The following SUMF1 variants were observed in gnomAD, a reference collection of about 807,000 sequenced individuals.
SUMF1 encodes the protein formylglycine-generating enzyme.
Under a neutral mutation model 47.6 loss-of-function variants are expected in SUMF1, and 48 were observed. The observed-to-expected ratio is 1.01, with a 90% CI of 0.80 to 1.28. SUMF1 has a LOEUF of 1.28. SUMF1 is among the 50% of genes most tolerant of loss of function. The pLI is 0.00. For missense variants in SUMF1, 571 were observed against 485.4 expected, an observed-to-expected ratio of 1.18 and a Z score of -1.66; for synonymous variants, 230 against 192.1, an observed-to-expected ratio of 1.20 and a Z score of -1.63.
At chr3:4,097,485 G>A (rs755596400) in intron 8 of SUMF1, among the ~76,000 whole-genome samples, 15 of 151,964 alleles carry the variant, frequency 9.9e-5, no homozygotes, top group Admixed American at 2.6e-4. Flanking sequence ...CCTGGGAGGC[G>A]GAGGTTGCAG....
chr3:4,186,449 C>A (rs1306353164), intron 8 of SUMF1, among the ~76,000 whole-genome samples: 1 of 152,040 alleles, frequency 6.6e-6, no homozygotes, highest in African/African-American at 2.4e-5. Context: ...CTCTTTAACC[C>A]TACACAAATT....
At chr3:4,160,291 G>T (rs1694545350) in intron 8 of SUMF1, among the ~76,000 whole-genome samples, 2 of 151,922 alleles carry the variant, frequency 1.3e-5, no homozygotes, top group South Asian at 2.1e-4. Flanking sequence ...CCAGGCTGGG[G>T]TGCAGTGGTA....
chr3:4,228,757 G>A (rs1185412201), intron 8 of SUMF1, among the ~76,000 whole-genome samples: 5 of 152,020 alleles, frequency 3.3e-5, no homozygotes, highest in Non-Finnish European at 7.4e-5. Context: ...TCTTTTAAAT[G>A]GACCATTTTA....
intron 8 of SUMF1, among the ~76,000 whole-genome samples, chr3:4,197,039 T>C (rs1695443764): frequency 6.6e-6 from 1 of 152,098 alleles, no homozygotes; most frequent in Non-Finnish European, 1.5e-5. Context: ...CGAAACTGTC[T>C]ACAAAGACAA....
intron 8 of SUMF1, among the ~76,000 whole-genome samples, chr3:4,373,030 C>T (rs1700214701): frequency 6.6e-6 from 1 of 152,084 alleles, no homozygotes; most frequent in African/African-American, 2.4e-5. Context: ...AAATGTTATC[C>T]CCATCACATG....
At chr3:4,177,752 G>T (rs139063466) in intron 8 of SUMF1, among the ~76,000 whole-genome samples, 20 of 152,206 alleles carry the variant, frequency 1.3e-4, no homozygotes, top group African/African-American at 4.8e-4. Context: ...GAATCCAGGA[G>T]CTGGTTTTTT....
chr3:4,208,848 T>A (rs750699315), intron 8 of SUMF1, among the ~76,000 whole-genome samples: 7 of 152,180 alleles, frequency 4.6e-5, no homozygotes, highest in Non-Finnish European at 8.8e-5. Context: ...AGAGGTAACA[T>A]ATGCACAATG....
intron 8 of SUMF1, among the ~76,000 whole-genome samples, chr3:4,180,852 C>T (rs535180492): frequency 2.6e-5 from 4 of 151,664 alleles, no homozygotes; most frequent in Non-Finnish European, 5.9e-5. Flanking sequence ...AACCCTGTCT[C>T]AACAAAAAAA....
intron 8 of SUMF1, among the ~76,000 whole-genome samples, chr3:4,258,562 G>T (rs993861967): frequency 3.3e-5 from 5 of 151,976 alleles, no homozygotes; most frequent in African/African-American, 1.2e-4. Flanking sequence ...ACCACTATGA[G>T]ATACCATCTC....
chr3:4,365,966 T>A (rs1699939824), intron 8 of SUMF1, among the ~76,000 whole-genome samples: 1 of 152,090 alleles, frequency 6.6e-6, no homozygotes, highest in Non-Finnish European at 1.5e-5. Flanking sequence ...TATTTCTCCT[T>A]CACTTATGAA....
At chr3:4,192,363 A>G (rs951365400) in intron 8 of SUMF1, among the ~76,000 whole-genome samples, 1 of 152,140 alleles carries the variant, frequency 6.6e-6, no homozygotes, top group African/African-American at 2.4e-5. Context: ...ATAAGAATAT[A>G]AAGCCAAATT....
intron 1 of SUMF1, among the ~76,000 whole-genome samples, chr3:4,456,648 A>C (rs1233546465): frequency 7.0e-6 from 1 of 143,588 alleles, no homozygotes; most frequent in Non-Finnish European, 1.5e-5. Flanking sequence ...GTATATATAT[A>C]TATGTGTGTG....
chr3:4,259,366 T>C (rs1261224827), intron 8 of SUMF1, among the ~76,000 whole-genome samples: 1 of 152,204 alleles, frequency 6.6e-6, no homozygotes, highest in East Asian at 1.9e-4. Context: ...TAATATTACC[T>C]GATTTGACCT....
chr3:4,130,180 C>T (rs1007933903), intron 8 of SUMF1, among the ~76,000 whole-genome samples: 3 of 152,140 alleles, frequency 2.0e-5, no homozygotes, highest in South Asian at 2.1e-4. Context: ...TGGAGAATGA[C>T]AGTGGATTAT....
chr3:4,125,803 G>A (rs1462602702), intron 8 of SUMF1, among the ~76,000 whole-genome samples: 6 of 152,042 alleles, frequency 3.9e-5, no homozygotes, highest in African/African-American at 1.4e-4. Context: ...GCACCCTCTG[G>A]GTAGCAGGGA....
intron 1 of SUMF1, among the ~76,000 whole-genome samples, chr3:4,454,195 C>T (rs1236189401): frequency 6.6e-6 from 1 of 152,176 alleles, no homozygotes; most frequent in Non-Finnish European, 1.5e-5. Flanking sequence ...CTACTTTGTT[C>T]CTATCTACCT....
intron 8 of SUMF1, among the ~76,000 whole-genome samples, chr3:4,202,294 AG>A (rs1695556773): frequency 6.6e-6 from 1 of 152,040 alleles, no homozygotes; most frequent in South Asian, 2.1e-4. Flanking sequence ...GGCAACAGAT[AG>A]GGGTCTCATT....
intron 5 of SUMF1, 39 bp from the exon 6 acceptor site, chr3:4,417,281 C>A: frequency 6.3e-7 from 1 of 1,581,746 alleles, no homozygotes; most frequent in Non-Finnish European, 8.7e-7. Context: ...GTCAAACAGG[C>A]ACAGGTTTTG....
At chr3:4,171,331 G>A (rs1333902212) in intron 8 of SUMF1, among the ~76,000 whole-genome samples, 1 of 152,114 alleles carries the variant, frequency 6.6e-6, no homozygotes, top group Non-Finnish European at 1.5e-5. Context: ...GAGTCTATAA[G>A]TAGGTCTCCA....
Sources: allele counts gnomAD v4.1 joint callset (sites outside exome capture counted in the v4.1 genomes callset), GRCh38; gene constraint gnomAD v4.1.1; transcripts MANE v1.5; gene names NCBI Gene and HGNC (gene_info 2026-07-23, HGNC 2026-07-21).